SCHIP1: variants seen among roughly 807,000 people sequenced by gnomAD.
SCHIP1 encodes the protein schwannomin-interacting protein 1.
Under a neutral mutation model 29.7 loss-of-function variants are expected in SCHIP1, and 8 were observed. The observed-to-expected ratio is 0.27, with a 90% confidence interval of 0.16 to 0.49. The LOEUF is 0.49. SCHIP1 is among the 20% of genes least tolerant of loss of function. SCHIP1 has a pLI of 0.99. For missense variants in SCHIP1, 193 were observed against 294.6 expected (o/e 0.66, Z 2.52); for synonymous variants, 76 against 94.9 (o/e 0.80, Z 1.16).
chr3:159,429,806 C>T, the SCHIP1 span, among the ~76,000 whole-genome samples: 7 of 151,922 alleles, frequency 4.6e-5, no homozygotes, highest in African/African-American at 1.7e-4. Flanking sequence ...GAGCCTAGAG[C>T]TCTAAATTGC....
intron 1 of SCHIP1, among the ~76,000 whole-genome samples, chr3:159,849,355 T>TAATC (rs2109084196): frequency 6.6e-6 from 1 of 152,352 alleles, no homozygotes; most frequent in South Asian, 2.1e-4. Context: ...AAGATACTAG[T>TAATC]AATCAGGCAT....
the SCHIP1 span, among the ~76,000 whole-genome samples, chr3:159,363,281 T>G: frequency 6.6e-6 from 1 of 152,224 alleles, no homozygotes. Flanking sequence ...TAGTTATTTT[T>G]ATGTTGTATG....
the SCHIP1 span, among the ~76,000 whole-genome samples, chr3:159,701,466 T>G: frequency 0.048 from 7,283 of 152,232 alleles, 610 homozygotes; most frequent in African/African-American, 0.17. Flanking sequence ...ACTGCTAATT[T>G]GATATTTAAT....
chr3:159,458,962 T>C, the SCHIP1 span, among the ~76,000 whole-genome samples: 169 of 152,334 alleles, frequency 1.1e-3, no homozygotes, highest in Middle Eastern at 3.4e-3. Flanking sequence ...TGCATCTTCA[T>C]GTGGACTTGT....
At chr3:159,508,874 T>C in the SCHIP1 span, among the ~76,000 whole-genome samples, 1 of 152,108 alleles carries the variant, frequency 6.6e-6, no homozygotes, top group Non-Finnish European at 1.5e-5. Context: ...TGCTGAGGAG[T>C]GCTTTACTTC....
chr3:159,789,096 G>T, the SCHIP1 span, among the ~76,000 whole-genome samples: 1 of 151,758 alleles, frequency 6.6e-6, no homozygotes, highest in Admixed American at 6.6e-5. Context: ...CTGTATATGT[G>T]TATGTATACA....
At chr3:159,710,600 T>C in the SCHIP1 span, among the ~76,000 whole-genome samples, 2 of 152,242 alleles carry the variant, frequency 1.3e-5, no homozygotes, top group Non-Finnish European at 2.9e-5. Flanking sequence ...ATGAGTCTAA[T>C]TTGTTTATTC....
chr3:159,326,900 T>C, the SCHIP1 span, among the ~76,000 whole-genome samples: 4 of 152,212 alleles, frequency 2.6e-5, no homozygotes, highest in African/African-American at 9.6e-5. Context: ...GATAGAATTA[T>C]CCTGTTCCAG....
chr3:159,366,626 C>T, the SCHIP1 span, among the ~76,000 whole-genome samples: 1 of 152,288 alleles, frequency 6.6e-6, no homozygotes, highest in South Asian at 2.1e-4. Context: ...TGTGTCTAGA[C>T]TTGTCCCTCC....
chr3:159,825,807 A>C, the SCHIP1 span, among the ~76,000 whole-genome samples: 2 of 152,204 alleles, frequency 1.3e-5, no homozygotes, highest in Non-Finnish European at 2.9e-5. Flanking sequence ...AATTTAAAGC[A>C]GGACCTTATT....
chr3:159,426,515 G>C, the SCHIP1 span, among the ~76,000 whole-genome samples: 12 of 152,230 alleles, frequency 7.9e-5, no homozygotes, highest in South Asian at 8.3e-4. Context: ...AGACCAATAA[G>C]AGGAGCTGAA....
the SCHIP1 span, among the ~76,000 whole-genome samples, chr3:159,468,763 A>ATG: frequency 8.2e-6 from 1 of 122,204 alleles, no homozygotes; most frequent in Non-Finnish European, 1.7e-5. Flanking sequence ...TATAATATAT[A>ATG]TATATATATA....
At chr3:159,783,908 G>C in the SCHIP1 span, among the ~76,000 whole-genome samples, 5 of 152,002 alleles carry the variant, frequency 3.3e-5, no homozygotes, top group Non-Finnish European at 5.9e-5. Context: ...TGAAGTAAAG[G>C]CGTTGTAATG....
At chr3:159,626,125 GATAGATAGATAGATAT>G in the SCHIP1 span, among the ~76,000 whole-genome samples, 111 of 114,938 alleles carry the variant, frequency 9.7e-4, 10 homozygotes, top group African/African-American at 6.0e-3. Context: ...TAGATAGATA[GATAGATAGATAGATAT>G]ATCTAGATAT....
At chr3:159,809,665 A>T in the SCHIP1 span, among the ~76,000 whole-genome samples, 1 of 151,764 alleles carries the variant, frequency 6.6e-6, no homozygotes, top group South Asian at 2.1e-4. Context: ...CATCTCAAAA[A>T]AAAAAAAAAA....
At chr3:159,646,280 T>C in the SCHIP1 span, among the ~76,000 whole-genome samples, 1 of 152,128 alleles carries the variant, frequency 6.6e-6, no homozygotes, top group Non-Finnish European at 1.5e-5. Flanking sequence ...CACTTAGCTG[T>C]TTGTGCTTTC....
chr3:159,586,765 C>T, the SCHIP1 span, among the ~76,000 whole-genome samples: 2 of 152,110 alleles, frequency 1.3e-5, no homozygotes, highest in African/African-American at 2.4e-5. Context: ...CCCATGGCTG[C>T]TGCCCTCTGC....
chr3:159,288,826 G>T, the SCHIP1 span, among the ~76,000 whole-genome samples: 1 of 152,130 alleles, frequency 6.6e-6, no homozygotes, highest in East Asian at 1.9e-4. Flanking sequence ...AAGGTGAATG[G>T]GAATGGTCTG....
At chr3:159,709,212 G>A in the SCHIP1 span, among the ~76,000 whole-genome samples, 2 of 152,104 alleles carry the variant, frequency 1.3e-5, no homozygotes, top group South Asian at 2.1e-4. Context: ...TTGAAGAGGG[G>A]GTGGGGTTGG....
Sources: gnomAD v4.1 joint callset for allele counts (sites outside exome capture counted in the v4.1 genomes callset) on GRCh38, gnomAD v4.1.1 for gene constraint, MANE v1.5 for transcripts, NCBI Gene and HGNC (gene_info 2026-07-23, HGNC 2026-07-21) for gene names.